TCERG1L: variants seen among roughly 807,000 people sequenced by gnomAD.
The protein encoded by TCERG1L is transcription elongation regulator 1 like, also known as transcription elongation regulator 1-like protein.
A neutral mutation model predicts 56.3 loss-of-function variants in TCERG1L; 37 were observed. The observed-to-expected ratio is 0.66, with a 90% CI of 0.51 to 0.87. The LOEUF is 0.87. Ranked by LOEUF, TCERG1L falls within the 40% of genes least tolerant of loss-of-function variation. The pLI is 0.00. For synonymous variants in TCERG1L, 324 were observed against 326.3 expected, an observed-to-expected ratio of 0.99 and a Z score of 0.08; for missense variants, 799 against 774.2, an observed-to-expected ratio of 1.03 and a Z score of -0.38.
At chr10:131,216,000 C>T (rs1046199133) in intron 4 of TCERG1L, among the ~76,000 whole-genome samples, 1 of 152,264 alleles carries the variant, frequency 6.6e-6, no homozygotes, top group Non-Finnish European at 1.5e-5. Context: ...CCCAGACTCC[C>T]CATGACACAG....
intron 3 of TCERG1L, among the ~76,000 whole-genome samples, chr10:131,290,460 C>T (rs1846600706): frequency 6.6e-6 from 1 of 152,026 alleles, no homozygotes; most frequent in African/African-American, 2.4e-5. Context: ...GGAGAAACCC[C>T]TTCTCTACTA....
intron 3 of TCERG1L, among the ~76,000 whole-genome samples, chr10:131,261,920 C>G (rs913413393): frequency 6.6e-6 from 1 of 152,206 alleles, no homozygotes; most frequent in Non-Finnish European, 1.5e-5. Flanking sequence ...CTGCATGAGG[C>G]AAGGCGAGAC....
intron 3 of TCERG1L, among the ~76,000 whole-genome samples, chr10:131,302,029 T>C (rs879362123): frequency 1.3e-5 from 2 of 152,100 alleles, no homozygotes; most frequent in Non-Finnish European, 2.9e-5. Flanking sequence ...GAATTTGAGG[T>C]GAAAACATTA....
At chr10:131,204,833 G>A (rs1045319257) in intron 4 of TCERG1L, among the ~76,000 whole-genome samples, 6 of 152,208 alleles carry the variant, frequency 3.9e-5, no homozygotes, top group South Asian at 2.1e-4. Context: ...CCCACCTCTC[G>A]GTTTTATGAA....
chr10:131,157,372 G>A (rs888601207), intron 6 of TCERG1L, among the ~76,000 whole-genome samples: 13 of 152,140 alleles, frequency 8.5e-5, no homozygotes, highest in Middle Eastern at 6.8e-3. Flanking sequence ...CTAACTACTC[G>A]TAAATCTATA....
At chr10:131,263,363 T>C (rs1174376821) in intron 3 of TCERG1L, among the ~76,000 whole-genome samples, 1 of 152,226 alleles carries the variant, frequency 6.6e-6, no homozygotes, top group African/African-American at 2.4e-5. Flanking sequence ...AAAGTAATTA[T>C]GCGGATAAAA....
At chr10:131,202,794 T>C (rs956178942) in intron 4 of TCERG1L, among the ~76,000 whole-genome samples, 2 of 152,206 alleles carry the variant, frequency 1.3e-5, no homozygotes, top group African/African-American at 4.8e-5. Context: ...AGAATAGGGT[T>C]GGGAGGAGCT....
chr10:131,134,216 C>T (rs1845650425), intron 8 of TCERG1L, among the ~76,000 whole-genome samples, 163 bp downstream of exon 8: 1 of 152,162 alleles, frequency 6.6e-6, no homozygotes, highest in Non-Finnish European at 1.5e-5. Flanking sequence ...CGGCAGGTGC[C>T]CAGGACACTG....
chr10:131,096,402 T>C (rs1482720444), intron 11 of TCERG1L, among the ~76,000 whole-genome samples: 2 of 152,188 alleles, frequency 1.3e-5, no homozygotes, highest in Non-Finnish European at 2.9e-5. Context: ...CACATTTCCT[T>C]GTCTACATTA....
In TCERG1L at chr10:131,093,109, G is replaced by A. The variant is rs186029190; in HGVS notation, c.*53C>T. On this transcript the variant is annotated 3_prime_UTR_variant, in exon 12 of 12. Transcript: ENST00000368642. ...TGTCCGTCTCCACCGTGACCCCCTC[G>A]CCCCCGGCACGCCCAGGGTCAACCC... 78 of 1,577,104 alleles carry A rather than the reference G, an allele frequency of 4.9e-5. No homozygotes were observed. Among genetic ancestry groups the A allele is most frequent in the Admixed American group, 2.1e-4 (12 of 56,632 alleles).
intron 3 of TCERG1L, among the ~76,000 whole-genome samples, chr10:131,285,372 C>CA (rs199924932): frequency 0.011 from 776 of 73,148 alleles, 13 homozygotes; most frequent in Middle Eastern, 0.02. Context: ...AAGACTCTGT[C>CA]AAAAAAAAAA....
rs1190131755 is a variant in TCERG1L, at chr10:131,118,844, G to A, written c.1260-1910C>T. On this transcript the variant is annotated intron_variant, in intron 8 of 11. Transcript: ENST00000368642. This position sits in a 1 kb window ranked among gnomAD's most constrained non-coding sequence, Gnocchi z 4.2. ...ACGATAGCACCATGTTCTCCACTGG[G>A]GATGATTTTGCCCCAGGGGACATTT... Among the ~76,000 whole-genome samples the A allele has an allele frequency of 6.6e-6, 1 of 152,134 alleles. No individual in the cohort carries two copies. The highest frequency in any genetic ancestry group is 6.5e-5 in the Admixed American group (1 of 15,278).
chr10:131,123,732 G>C (rs182390625), intron 8 of TCERG1L, among the ~76,000 whole-genome samples: 34 of 151,886 alleles, frequency 2.2e-4, no homozygotes, highest in Middle Eastern at 3.4e-3. Flanking sequence ...TTGGAGTGCA[G>C]AGACAACTCT....
intron 4 of TCERG1L, among the ~76,000 whole-genome samples, chr10:131,258,806 G>C (rs1846202948): frequency 6.6e-6 from 1 of 152,158 alleles, no homozygotes; most frequent in South Asian, 2.1e-4. Context: ...ATGCCTAATT[G>C]TTATGTCACC....
intron 9 of TCERG1L, among the ~76,000 whole-genome samples, chr10:131,111,861 C>T (rs1400033627): frequency 7.0e-6 from 1 of 143,428 alleles, no homozygotes; most frequent in Non-Finnish European, 1.6e-5. Context: ...GGGCGGCCTG[C>T]CCTTGCAGCT....
intron 3 of TCERG1L, among the ~76,000 whole-genome samples, chr10:131,280,827 G>A (rs2133562275): frequency 6.6e-6 from 1 of 152,204 alleles, no homozygotes; most frequent in African/African-American, 2.4e-5. Flanking sequence ...CTCTGAGCCT[G>A]CACCAGCATC....
At chr10:131,298,041 T>A (rs1321214745) in intron 3 of TCERG1L, among the ~76,000 whole-genome samples, 1 of 152,088 alleles carries the variant, frequency 6.6e-6, no homozygotes, top group African/African-American at 2.4e-5. Context: ...CTTCTGTTTT[T>A]TAATTTTTTA....
intron 9 of TCERG1L, among the ~76,000 whole-genome samples, chr10:131,112,785 G>A (rs974877280): frequency 2.1e-5 from 3 of 142,584 alleles, no homozygotes; most frequent in African/African-American, 7.4e-5. Context: ...GGAAGGAGAC[G>A]AGCTAGTAAT....
At chr10:131,227,924 A>G (rs61861221) in intron 4 of TCERG1L, among the ~76,000 whole-genome samples, 61,252 of 151,096 alleles carry the variant, frequency 0.41, 12,773 homozygotes, top group East Asian at 0.52. Flanking sequence ...GTGCTCAGGC[A>G]TCTTCCTGCT....
Sources: allele counts gnomAD v4.1 joint callset (sites outside exome capture counted in the v4.1 genomes callset), GRCh38; gene constraint gnomAD v4.1.1; non-coding constraint Gnocchi (gnomAD v3.1); transcripts MANE v1.5; gene names NCBI Gene and HGNC (gene_info 2026-07-23, HGNC 2026-07-21).